Variants in KHDRBS3 observed in about 807,000 individuals in gnomAD.
KHDRBS3 encodes KH RNA binding domain containing, signal transduction associated 3.
In KHDRBS3, 23 loss-of-function variants were observed where a neutral mutation model predicts 45.6. The ratio of observed to expected loss-of-function variants is 0.50; its 90% CI spans 0.36 to 0.72. The LOEUF (loss-of-function observed/expected upper bound fraction) is 0.72. Among genes scored for constraint, KHDRBS3 ranks in the 30% least tolerant of loss-of-function variants. The pLI is 0.00. For missense variants in KHDRBS3, 352 were observed against 424.8 expected (o/e 0.83, Z 1.51); for synonymous variants, 162 against 156.5 (o/e 1.04, Z -0.26).
chr8:135,588,631 A>G (rs1163061634), intron 6 of KHDRBS3, among the ~76,000 whole-genome samples: 1 of 152,070 alleles, frequency 6.6e-6, no homozygotes, highest in Non-Finnish European at 1.5e-5. Context: ...TATTGATGTA[A>G]ACTCTTCTGT....
At chr8:135,531,868 TG>T (rs1250273406) in intron 2 of KHDRBS3, among the ~76,000 whole-genome samples, 4 of 152,168 alleles carry the variant, frequency 2.6e-5, no homozygotes, top group Admixed American at 2.0e-4. Context: ...GTGCTTTACT[TG>T]GGCATGGAAT....
chr8:135,644,799 G>A (rs903090029), intron 7 of KHDRBS3, among the ~76,000 whole-genome samples: 1 of 152,152 alleles, frequency 6.6e-6, no homozygotes, highest in Non-Finnish European at 1.5e-5. Context: ...CACTTACTGT[G>A]TGTTGCGTGG....
intron 5 of KHDRBS3, among the ~76,000 whole-genome samples, chr8:135,576,890 A>G (rs1392315818): frequency 1.3e-5 from 2 of 152,212 alleles, no homozygotes; most frequent in Non-Finnish European, 2.9e-5. Flanking sequence ...TGAGTTCATA[A>G]TGATGTCTCT....
At chr8:135,511,925 C>T (rs1323911748) in intron 1 of KHDRBS3, among the ~76,000 whole-genome samples, 3 of 152,144 alleles carry the variant, frequency 2.0e-5, no homozygotes, top group African/African-American at 7.2e-5. Flanking sequence ...GTGTTTCTTT[C>T]TCCCTAGATG....
chr8:135,469,052 T>G (rs1821843237), intron 1 of KHDRBS3, among the ~76,000 whole-genome samples: 2 of 152,220 alleles, frequency 1.3e-5, no homozygotes, highest in South Asian at 4.1e-4. Flanking sequence ...GGCCCCTGCT[T>G]TGGTCTGGTG....
chr8:135,646,725 A>G (rs1053728571), intron 8 of KHDRBS3, among the ~76,000 whole-genome samples: 2 of 152,228 alleles, frequency 1.3e-5, no homozygotes, highest in Non-Finnish European at 2.9e-5. Flanking sequence ...AACCAAAAGG[A>G]AAGTCCTTGC....
chr8:135,629,167 C>A (rs1054211562), intron 7 of KHDRBS3, among the ~76,000 whole-genome samples: 11 of 152,208 alleles, frequency 7.2e-5, no homozygotes, highest in African/African-American at 2.7e-4. Context: ...GTCTCCAATT[C>A]TCTGGCAAAC....
chr8:135,600,467 T>C (rs1332245471), intron 6 of KHDRBS3, among the ~76,000 whole-genome samples: 1 of 152,074 alleles, frequency 6.6e-6, no homozygotes, highest in Non-Finnish European at 1.5e-5. Flanking sequence ...ATAGCCTCAT[T>C]GGCTAGTTAG....
At chr8:135,574,091 T>G (rs1441823417) in intron 5 of KHDRBS3, among the ~76,000 whole-genome samples, 2 of 152,222 alleles carry the variant, frequency 1.3e-5, no homozygotes, top group Non-Finnish European at 2.9e-5. Flanking sequence ...AGCCTTGCCC[T>G]GAATGTTATT....
intron 7 of KHDRBS3, among the ~76,000 whole-genome samples, chr8:135,628,684 G>C (rs929240137): frequency 6.6e-6 from 1 of 152,132 alleles, no homozygotes; most frequent in African/African-American, 2.4e-5. Context: ...AGTAGTAGTT[G>C]CAATAGGGTC....
intron 1 of KHDRBS3, among the ~76,000 whole-genome samples, chr8:135,505,602 G>T (rs1370492068): frequency 2.6e-5 from 4 of 152,110 alleles, no homozygotes; most frequent in Non-Finnish European, 5.9e-5. Flanking sequence ...CCCAAAAAGC[G>T]AATGGGGAGT....
chr8:135,478,147 A>T (rs1442768419), intron 1 of KHDRBS3, among the ~76,000 whole-genome samples: 1 of 152,192 alleles, frequency 6.6e-6, no homozygotes, highest in Non-Finnish European at 1.5e-5. Context: ...GACACCAAAA[A>T]GGTCAGGAAC....
At chr8:135,542,382 G>A (rs1196312350) in intron 2 of KHDRBS3, 3 of 353,412 alleles carry the variant, frequency 8.5e-6, no homozygotes, top group African/African-American at 2.1e-5. Context: ...GATAGCAACC[G>A]AGGAATTCTG....
intron 7 of KHDRBS3, among the ~76,000 whole-genome samples, chr8:135,623,268 C>A (rs994849910): frequency 1.3e-5 from 2 of 152,088 alleles, no homozygotes; most frequent in African/African-American, 4.8e-5. Flanking sequence ...TTCTTGTTAG[C>A]GTTTCTGAGA....
chr8:135,476,431 G>A (rs559965349), intron 1 of KHDRBS3, among the ~76,000 whole-genome samples: 6 of 152,116 alleles, frequency 3.9e-5, no homozygotes, highest in East Asian at 1.9e-4. Flanking sequence ...CATGAACCAC[G>A]GCGCCCGACC....
intron 1 of KHDRBS3, among the ~76,000 whole-genome samples, chr8:135,518,690 G>A (rs187217206): frequency 3.6e-4 from 55 of 152,266 alleles, no homozygotes; most frequent in Middle Eastern, 3.4e-3. Flanking sequence ...GTTATACCCG[G>A]AGCAGCTGAT....
intron 4 of KHDRBS3, 152 bp from the exon 5 acceptor site, chr8:135,557,296 C>T (rs578106488): frequency 2.0e-4 from 87 of 433,432 alleles, no homozygotes; most frequent in Middle Eastern, 1.7e-3. Flanking sequence ...AATTTATTAT[C>T]ACATTTTTAT....
chr8:135,529,616 A>G (rs779228532), intron 2 of KHDRBS3, among the ~76,000 whole-genome samples: 7 of 152,160 alleles, frequency 4.6e-5, no homozygotes, highest in Admixed American at 2.0e-4. Flanking sequence ...GGGGCATATT[A>G]TTATCATTGG....
chr8:135,529,867 T>G (rs1825380791), intron 2 of KHDRBS3, among the ~76,000 whole-genome samples: 1 of 151,866 alleles, frequency 6.6e-6, no homozygotes, highest in Non-Finnish European at 1.5e-5. Flanking sequence ...GAGACCACAG[T>G]GAAACCCTGT....
Sources: gnomAD v4.1 joint callset for allele counts (sites outside exome capture counted in the v4.1 genomes callset) on GRCh38, gnomAD v4.1.1 for gene constraint, MANE v1.5 for transcripts, NCBI Gene and HGNC (gene_info 2026-07-23, HGNC 2026-07-21) for gene names.